Variants in STK32B observed in about 807,000 individuals in gnomAD.
STK32B encodes serine/threonine kinase 32B.
STK32B carries 43 observed loss-of-function variants against 52.6 expected under a neutral mutation model. The observed-to-expected ratio is 0.82, with a 90% CI of 0.64 to 1.05. STK32B has a LOEUF of 1.05. Among genes scored for constraint, STK32B ranks in the 50% least tolerant of loss-of-function variants. The probability of loss-of-function intolerance (pLI) is 0.00; values close to 1 mark genes in which losing one functional copy is unlikely to be tolerated. For missense variants in STK32B, 621 were observed against 534.6 expected (o/e 1.16, Z -1.59); for synonymous variants, 238 against 204.3 (o/e 1.17, Z -1.41).
chr4:5,426,250 G>C (rs754495921), intron 6 of STK32B, among the ~76,000 whole-genome samples: 1 of 152,108 alleles, frequency 6.6e-6, no homozygotes, highest in Non-Finnish European at 1.5e-5. Context: ...ACTTGGTATC[G>C]TCCCATCGTT....
chr4:5,379,608 A>G (rs1204322640), intron 4 of STK32B, among the ~76,000 whole-genome samples: 1 of 152,208 alleles, frequency 6.6e-6, no homozygotes, highest in Non-Finnish European at 1.5e-5. Flanking sequence ...TTATTAAGTT[A>G]AAGTGAGGTC....
intron 4 of STK32B, among the ~76,000 whole-genome samples, chr4:5,374,746 G>A (rs1317149260): frequency 2.1e-5 from 3 of 144,544 alleles, no homozygotes; most frequent in Admixed American, 2.1e-4. Flanking sequence ...TTGCATTGAG[G>A]CTCATGTTTC....
chr4:5,156,529 G>T (rs950320233), intron 2 of STK32B, among the ~76,000 whole-genome samples: 6 of 152,180 alleles, frequency 3.9e-5, no homozygotes, highest in Non-Finnish European at 8.8e-5. Context: ...GCCAGCAGGA[G>T]CGTCCACGGT....
At position 5,496,098 on chromosome 4, in the gene STK32B, C is replaced by G. The variant is rs551328560; in HGVS notation, c.1107-2847C>G. Among the ~76,000 whole-genome samples, 9 of 152,342 alleles carry G rather than the reference C, an allele frequency of 5.9e-5. No individual in the cohort carries two copies. In the East Asian group the frequency reaches 1.7e-3, roughly 29 times the overall value. On this transcript the variant is annotated intron_variant, in intron 11 of 11. Transcript: ENST00000282908. Reference sequence around the variant, plus strand: ...GCTGCATGCTGGGAGAACCACTGCTCTCTTCAAAGCTGTCAGACAGGGACA... The same window carrying G: ...GCTGCATGCTGGGAGAACCACTGCTGTCTTCAAAGCTGTCAGACAGGGACA...
chr4:5,362,592 G>A (rs561999266), intron 4 of STK32B, among the ~76,000 whole-genome samples: 1 of 152,340 alleles, frequency 6.6e-6, no homozygotes, highest in East Asian at 1.9e-4. Context: ...GCAGCAGCCA[G>A]GTCCCTGCAG....
chr4:5,480,589 T>C (rs1215526310), intron 11 of STK32B, among the ~76,000 whole-genome samples: 1 of 152,166 alleles, frequency 6.6e-6, no homozygotes, highest in Non-Finnish European at 1.5e-5. Flanking sequence ...GTTTTTTTTT[T>C]CTTTCATTAT....
chr4:5,163,583 A>AGTGT (rs1560189497), intron 2 of STK32B, among the ~76,000 whole-genome samples: 1 of 99,246 alleles, frequency 1.0e-5, no homozygotes, highest in Non-Finnish European at 2.4e-5. Context: ...TGTGTGTGTA[A>AGTGT]GAGAGAGAGA....
At chr4:5,257,134 AG>A (rs1411369743) in intron 3 of STK32B, among the ~76,000 whole-genome samples, 1 of 152,180 alleles carries the variant, frequency 6.6e-6, no homozygotes, top group Non-Finnish European at 1.5e-5. Context: ...TGAATGAGTG[AG>A]TGGGTGAATG....
intron 1 of STK32B, among the ~76,000 whole-genome samples, chr4:5,130,798 C>G (rs887569574): frequency 2.6e-5 from 4 of 152,144 alleles, no homozygotes; most frequent in African/African-American, 9.7e-5. Context: ...CCCACTCATC[C>G]CTTCCACTCA....
chr4:5,488,180 C>T (rs1158717072), intron 11 of STK32B, among the ~76,000 whole-genome samples: 1 of 152,130 alleles, frequency 6.6e-6, no homozygotes, highest in Non-Finnish European at 1.5e-5. Flanking sequence ...TTCCCGTAAT[C>T]CCAGCTACTC....
At chr4:5,444,378 T>G (rs1715163609) in intron 6 of STK32B, among the ~76,000 whole-genome samples, 1 of 152,332 alleles carries the variant, frequency 6.6e-6, no homozygotes, top group South Asian at 2.1e-4. Flanking sequence ...GTGCCGTCCG[T>G]CACCCCTTTC....
chr4:5,120,358 G>T (rs181218001), intron 1 of STK32B, among the ~76,000 whole-genome samples: 1 of 152,248 alleles, frequency 6.6e-6, no homozygotes, highest in East Asian at 1.9e-4. Context: ...ATCTCATATT[G>T]TCACAAGAAG....
intron 2 of STK32B, among the ~76,000 whole-genome samples, chr4:5,157,902 C>CATTT (rs1321119125): frequency 1.2e-4 from 19 of 152,178 alleles, no homozygotes; most frequent in South Asian, 4.1e-4. Flanking sequence ...AACAATGATG[C>CATTT]ATTTACTAGA....
chr4:5,296,115 T>G (rs542627462), intron 3 of STK32B, among the ~76,000 whole-genome samples: 1 of 152,362 alleles, frequency 6.6e-6, no homozygotes, highest in South Asian at 2.1e-4. Context: ...TTGATTGCAC[T>G]GTGGTGAGTG....
chr4:5,153,274 G>A (rs1460825984), intron 2 of STK32B, among the ~76,000 whole-genome samples: 2 of 152,108 alleles, frequency 1.3e-5, no homozygotes, highest in Non-Finnish European at 2.9e-5. Flanking sequence ...TCTGGCTCTG[G>A]GTCAGAGCCT....
intron 5 of STK32B, among the ~76,000 whole-genome samples, chr4:5,408,248 A>G (rs1013902999): frequency 2.6e-5 from 4 of 152,110 alleles, no homozygotes; most frequent in African/African-American, 9.7e-5. Flanking sequence ...CTCATGTCAA[A>G]TGGTAATCTC....
At chr4:5,067,473 G>A (rs924285118) in intron 1 of STK32B, among the ~76,000 whole-genome samples, 2 of 152,126 alleles carry the variant, frequency 1.3e-5, no homozygotes, top group Non-Finnish European at 2.9e-5. Flanking sequence ...GCTGGTTCTT[G>A]AGTATCAGAA....
intron 3 of STK32B, among the ~76,000 whole-genome samples, chr4:5,232,914 T>C (rs1724372881): frequency 6.6e-6 from 1 of 152,086 alleles, no homozygotes; most frequent in African/African-American, 2.4e-5. Context: ...AGGCACTTAT[T>C]CCCTAGCTCC....
chr4:5,424,104 G>T (rs981825262), intron 6 of STK32B, among the ~76,000 whole-genome samples: 4 of 152,120 alleles, frequency 2.6e-5, no homozygotes, highest in African/African-American at 9.7e-5. Context: ...CCAAGCCTGG[G>T]TACATACCAG....
Sources: gnomAD v4.1 joint callset for allele counts (sites outside exome capture counted in the v4.1 genomes callset) on GRCh38, gnomAD v4.1.1 for gene constraint, MANE v1.5 for transcripts, NCBI Gene and HGNC (gene_info 2026-07-23, HGNC 2026-07-21) for gene names.